FGF14: variants seen among roughly 807,000 people sequenced by gnomAD.
FGF14 encodes the protein fibroblast growth factor 14, also known as fibroblast growth factor homologous factor 4.
A neutral mutation model predicts 25.5 loss-of-function variants in FGF14; 5 were observed. That is an observed-to-expected ratio of 0.20 (90% CI 0.10 to 0.41). The LOEUF (loss-of-function observed/expected upper bound fraction) is 0.41, where lower values mean the gene tolerates loss of function less well. Ranked by LOEUF, FGF14 falls within the 10% of genes least tolerant of loss-of-function variation. FGF14 has a pLI of 1.00. For missense variants in FGF14, 222 were observed against 320.1 expected (o/e 0.69, Z 2.34); for synonymous variants, 138 against 118.3 (o/e 1.17, Z -1.08).
At chr13:101,987,951 G>T (rs1041346930) in intron 1 of FGF14, among the ~76,000 whole-genome samples, 1 of 151,970 alleles carries the variant, frequency 6.6e-6, no homozygotes, top group African/African-American at 2.4e-5. Flanking sequence ...AGTGTTGAGT[G>T]AATAGCTATG....
chr13:102,143,812 G>T (rs2046745168), intron 1 of FGF14, among the ~76,000 whole-genome samples: 1 of 152,070 alleles, frequency 6.6e-6, no homozygotes, highest in Non-Finnish European at 1.5e-5. Flanking sequence ...TGGTGGAGTG[G>T]ATCTTCCAGA....
At position 102,128,998 on chromosome 13, in the gene FGF14, G is replaced by A. The variant is rs555304820; in HGVS notation, c.209-253702C>T. ...GTTGGGAGGCTGAGGCAGGAGAATC[G>A]CTTGAACCAGGGAGGTGGAAGTTGC... is the stretch of plus-strand genomic sequence containing the variant. On this transcript the variant is annotated intron_variant, in intron 1 of 4. Transcript: ENST00000376131. 1.7e-3 allele frequency among the ~76,000 whole-genome samples: 257 copies of A among 152,034 alleles called. 1 individual carries two copies. The highest frequency in any genetic ancestry group is 5.4e-3 in the East Asian group (28 of 5,170).
intron 3 of FGF14, among the ~76,000 whole-genome samples, chr13:101,822,789 T>G (rs1241940636): frequency 6.6e-6 from 1 of 152,216 alleles, no homozygotes; most frequent in African/African-American, 2.4e-5. Context: ...ATTTTAAGTA[T>G]AGTCACCATA....
intron 2 of FGF14, among the ~76,000 whole-genome samples, chr13:101,871,155 C>T (rs1407649649): frequency 1.3e-5 from 2 of 152,122 alleles, no homozygotes; most frequent in Non-Finnish European, 2.9e-5. Flanking sequence ...AATTTTATTT[C>T]TCCACTCTCT....
chr13:101,858,969 C>T (rs1481573804), intron 3 of FGF14, among the ~76,000 whole-genome samples: 1 of 152,034 alleles, frequency 6.6e-6, no homozygotes, highest in African/African-American at 2.4e-5. Context: ...GCAAATATGG[C>T]CATATTAGAA....
intron 3 of FGF14, among the ~76,000 whole-genome samples, chr13:101,859,955 GT>G (rs199766492): frequency 9.5e-4 from 144 of 151,346 alleles, no homozygotes; most frequent in Middle Eastern, 3.4e-3. Flanking sequence ...TATTTTTATT[GT>G]TTTTTTTTAA....
At chr13:102,033,645 C>T (rs1407759437) in intron 1 of FGF14, among the ~76,000 whole-genome samples, 2 of 152,130 alleles carry the variant, frequency 1.3e-5, no homozygotes, top group African/African-American at 2.4e-5. Context: ...CTGAGCTACC[C>T]ATGCTGAAAC....
chr13:102,048,887 C>G (rs547758057), intron 1 of FGF14, among the ~76,000 whole-genome samples: 1 of 152,178 alleles, frequency 6.6e-6, no homozygotes. Context: ...GATTCCAACT[C>G]TAATTCCTCA....
At chr13:102,022,251 T>C (rs2040697464) in intron 1 of FGF14, among the ~76,000 whole-genome samples, 1 of 151,958 alleles carries the variant, frequency 6.6e-6, no homozygotes, top group Non-Finnish European at 1.5e-5. Context: ...TCCAAAAAAA[T>C]GACAAGCAGG....
At chr13:102,069,330 C>T (rs983243876) in intron 1 of FGF14, among the ~76,000 whole-genome samples, 1 of 152,078 alleles carries the variant, frequency 6.6e-6, no homozygotes, top group Non-Finnish European at 1.5e-5. Context: ...CAATCAGCGC[C>T]CTGTCAAAAA....
intron 1 of FGF14, among the ~76,000 whole-genome samples, chr13:102,327,388 C>A (rs2056488604): frequency 6.6e-6 from 1 of 152,194 alleles, no homozygotes; most frequent in Non-Finnish European, 1.5e-5. Context: ...TAAGCTTACA[C>A]CAATATACAA....
intron 1 of FGF14, among the ~76,000 whole-genome samples, chr13:102,250,886 T>C (rs2052136045): frequency 6.6e-6 from 1 of 152,204 alleles, no homozygotes; most frequent in African/African-American, 2.4e-5. Flanking sequence ...TATTCCTTTA[T>C]TTATAAATTT....
rs2035475809 is a variant in FGF14 at position 101,726,910 on chromosome 13, G to A, written c.409-100C>T. The A allele has an allele frequency of 1.5e-5, 13 of 885,552 alleles. 1 individual carries two copies. The highest frequency in any genetic ancestry group is 6.2e-5 in the Admixed American group (3 of 48,286). The allele number at this position is 885,552 out of a possible 1,614,324, so 54.9% of individuals were successfully genotyped here. On this transcript the variant is annotated intron_variant, in intron 3 of 4. Coordinates refer to ENST00000376143, the MANE Select transcript of FGF14 (RefSeq NM_004115.4). ...AAGTTTCCCAGCATGGTGAAAGAGT[G>A]CTTTGGCATGGAGGACCGGATATAC...
At chr13:101,936,268 A>C (rs368465676) in intron 1 of FGF14, among the ~76,000 whole-genome samples, 1 of 152,180 alleles carries the variant, frequency 6.6e-6, no homozygotes, top group East Asian at 1.9e-4. Flanking sequence ...TTACGTGGTC[A>C]AGAAGTGAAA....
At chr13:102,168,847 A>G (rs1282646185) in intron 1 of FGF14, among the ~76,000 whole-genome samples, 2 of 152,118 alleles carry the variant, frequency 1.3e-5, no homozygotes, top group African/African-American at 4.8e-5. Context: ...TTAGTCAACA[A>G]ACACACACTG....
At chr13:101,785,077 CTATT>C (rs1429693125) in intron 3 of FGF14, among the ~76,000 whole-genome samples, 8 of 152,214 alleles carry the variant, frequency 5.3e-5, no homozygotes, top group African/African-American at 1.9e-4. Context: ...CCTAGGTACT[CTATT>C]TGAGTAGAAT....
At chr13:101,968,228 T>C (rs2037341429) in intron 1 of FGF14, among the ~76,000 whole-genome samples, 1 of 152,224 alleles carries the variant, frequency 6.6e-6, no homozygotes, top group South Asian at 2.1e-4. Flanking sequence ...GAAATTGTTA[T>C]GTAATGGCTA....
rs2034940120 is a variant in FGF14, at chr13:101,721,036, A to G, written c.*1795T>C. Reference sequence around the variant, plus strand: ...GTGACAAAATAATTTCCCAATAAATACAGTGCAGATGGGGAAAATGATGAC... The same window carrying G: ...GTGACAAAATAATTTCCCAATAAATGCAGTGCAGATGGGGAAAATGATGAC... On this transcript the variant is annotated 3_prime_UTR_variant, in exon 5 of 5. Transcript: ENST00000376143. 6.6e-6 allele frequency: 1 copy of G among 152,186 alleles called. No homozygotes were observed. The highest frequency in any genetic ancestry group is 1.5e-5 in the Non-Finnish European group (1 of 68,030). 9.4% of individuals were successfully genotyped at this position (152,186 alleles called of 1,614,324 possible).
chr13:102,301,755 C>T (rs1046824914), intron 1 of FGF14, among the ~76,000 whole-genome samples: 25 of 151,310 alleles, frequency 1.7e-4, no homozygotes, highest in Admixed American at 1.5e-3. Context: ...GCCTTTAGTG[C>T]TGGAAGGCAA....
Sources: allele counts gnomAD v4.1 joint callset (sites outside exome capture counted in the v4.1 genomes callset), GRCh38; gene constraint gnomAD v4.1.1; transcripts MANE v1.5; gene names NCBI Gene and HGNC (gene_info 2026-07-23, HGNC 2026-07-21).